The following PPP2R2B variants were observed in gnomAD, a reference collection of about 807,000 sequenced individuals.
PPP2R2B encodes serine/threonine-protein phosphatase 2A 55 kDa regulatory subunit B beta isoform.
Under a neutral mutation model 46.0 loss-of-function variants are expected in PPP2R2B, and 5 were observed. The observed-to-expected ratio is 0.11, with a 90% confidence interval of 0.06 to 0.23. The LOEUF is 0.23. PPP2R2B is among the 10% of genes least tolerant of loss of function. The probability of loss-of-function intolerance (pLI) is 1.00; values close to 1 mark genes in which losing one functional copy is unlikely to be tolerated. For synonymous variants in PPP2R2B, 215 were observed against 206.7 expected, an observed-to-expected ratio of 1.04 and a Z score of -0.34; for missense variants, 367 against 575.0, an observed-to-expected ratio of 0.64 and a Z score of 3.70.
intron 2 of PPP2R2B, among the ~76,000 whole-genome samples, chr5:146,715,089 T>C (rs1039286370): frequency 2.0e-5 from 3 of 152,152 alleles, no homozygotes; most frequent in African/African-American, 7.2e-5. Context: ...CTTAATATCT[T>C]ATAGAAACAA....
chr5:146,914,893 C>G (rs1763323591), intron 1 of PPP2R2B, among the ~76,000 whole-genome samples: 1 of 152,134 alleles, frequency 6.6e-6, no homozygotes, highest in African/African-American at 2.4e-5. Context: ...ATGTATCTCC[C>G]CTACTAGTCC....
chr5:146,916,573 G>A (rs940401395), intron 1 of PPP2R2B, among the ~76,000 whole-genome samples: 5 of 151,946 alleles, frequency 3.3e-5, no homozygotes, highest in Non-Finnish European at 1.5e-5. Context: ...TCCAAGCCAG[G>A]TTTTTTTCTG....
At chr5:146,996,233 G>A (rs577858168) in intron 1 of PPP2R2B, among the ~76,000 whole-genome samples, 43 of 152,242 alleles carry the variant, frequency 2.8e-4, no homozygotes, top group African/African-American at 9.9e-4. Flanking sequence ...GTTGGCAGAC[G>A]GGGAAGCCTT....
intron 1 of PPP2R2B, among the ~76,000 whole-genome samples, chr5:146,895,185 A>G (rs765275809): frequency 5.3e-5 from 8 of 152,192 alleles, no homozygotes; most frequent in Admixed American, 1.3e-4. Flanking sequence ...AAGCCTTTGC[A>G]TCTCCAGAGT....
rs547816381 is a variant in PPP2R2B, at chr5:146,761,520, G to A, written c.71-60378C>T. ...CACACACTGGGGACTGTTGTGGGGTGTGGGAAGTGGGGGGTGCAGCACACC... is the reference window on the plus strand; with the variant it reads ...CACACACTGGGGACTGTTGTGGGGTATGGGAAGTGGGGGGTGCAGCACACC... On this transcript the variant is annotated intron_variant, in intron 2 of 9. Coordinates refer to ENST00000394411, the MANE Select transcript of PPP2R2B (RefSeq NM_181675.4). Among the ~76,000 whole-genome samples, 17 of 152,184 alleles carry A rather than the reference G, an allele frequency of 1.1e-4. No homozygotes were observed. The South Asian group carries it at 3.1e-3, about 28-fold the overall frequency.
intron 1 of PPP2R2B, among the ~76,000 whole-genome samples, chr5:146,895,180 T>G (rs1029650131): frequency 6.6e-6 from 1 of 152,208 alleles, no homozygotes; most frequent in African/African-American, 2.4e-5. Context: ...CTGAAAAGCC[T>G]TTGCATCTCC....
chr5:147,036,991 T>C (rs1038922712), intron 1 of PPP2R2B, among the ~76,000 whole-genome samples: 2 of 152,182 alleles, frequency 1.3e-5, no homozygotes, highest in Non-Finnish European at 2.9e-5. Context: ...GTTAATCCTA[T>C]ACAGTCTTAT....
intron 2 of PPP2R2B, among the ~76,000 whole-genome samples, chr5:146,770,189 C>G (rs1430791628): frequency 6.6e-6 from 1 of 151,666 alleles, no homozygotes; most frequent in Non-Finnish European, 1.5e-5. Flanking sequence ...ATTAGCCAGA[C>G]TTGGTAGTGC....
intron 2 of PPP2R2B, among the ~76,000 whole-genome samples, chr5:147,063,634 G>A (rs904806207): frequency 2.6e-5 from 4 of 152,100 alleles, no homozygotes; most frequent in Non-Finnish European, 5.9e-5. Context: ...AGACATCTCT[G>A]CATTTTAATT....
At chr5:146,953,128 A>C (rs1751701365) in intron 1 of PPP2R2B, among the ~76,000 whole-genome samples, 1 of 152,202 alleles carries the variant, frequency 6.6e-6, no homozygotes, top group South Asian at 2.1e-4. Context: ...ACTGAGTTAT[A>C]AACTAGAAAG....
chr5:146,797,324 A>AC (rs1756601101), intron 2 of PPP2R2B, among the ~76,000 whole-genome samples: 1 of 152,124 alleles, frequency 6.6e-6, no homozygotes, highest in South Asian at 2.1e-4. Context: ...TCCACAAGCT[A>AC]CCCTGCTAAA....
intron 7 of PPP2R2B, among the ~76,000 whole-genome samples, chr5:146,614,326 C>G (rs1268451976): frequency 2.0e-5 from 1 of 49,872 alleles, no homozygotes. Context: ...GGATCCCTTC[C>G]TTACACCTTA....
At chr5:146,995,820 C>A (rs531306615) in intron 1 of PPP2R2B, among the ~76,000 whole-genome samples, 1 of 152,288 alleles carries the variant, frequency 6.6e-6, no homozygotes, top group East Asian at 1.9e-4. Flanking sequence ...CACAGGAGAG[C>A]AAGATTTCCC....
chr5:147,061,051 A>G (rs1757242360), intron 2 of PPP2R2B, among the ~76,000 whole-genome samples: 1 of 152,298 alleles, frequency 6.6e-6, no homozygotes, highest in East Asian at 1.9e-4. Context: ...AAGAAAGAGG[A>G]TCCTCTTTGT....
At position 146,670,606 on chromosome 5, in the gene PPP2R2B, T is replaced by C. The variant is rs557924790; in HGVS notation, c.448-19882A>G. On this transcript the variant is annotated intron_variant, in intron 5 of 9. Transcript: ENST00000394411. ...CGCCTCCCGAGTTCAAACAATTCTC[T>C]TGTTTTAGCCTTCTGAGTAGCTGGG... 6.4e-4 allele frequency among the ~76,000 whole-genome samples: 98 copies of C among 152,068 alleles called. 1 individual carries two copies. Among genetic ancestry groups the C allele is most frequent in the African/African-American group, 2.2e-3 (92 of 41,486 alleles).
In PPP2R2B at chr5:147,016,948, C is replaced by G. The variant is rs150973674; in HGVS notation, c.79+38717G>C. The stretch of plus-strand genomic sequence containing the variant: ...TACAGAATATCCTACATGTCATGCT[C>G]TAGAGCTCCATTTTGCAGGTAAAGG... On this transcript the variant is annotated intron_variant, in intron 1 of 8. Transcript: ENST00000336640. 9.9e-4 allele frequency among the ~76,000 whole-genome samples: 150 copies of G among 151,652 alleles called. 1 individual carries two copies. Among genetic ancestry groups the G allele is most frequent in the African/African-American group, 3.4e-3 (140 of 41,538 alleles).
chr5:146,751,149 C>A (rs184869452), intron 2 of PPP2R2B: 1 of 152,202 alleles, frequency 6.6e-6, no homozygotes. Context: ...GAATCCAAAT[C>A]GTGGCATGAG....
At chr5:146,782,146 G>A (rs1034853130) in intron 2 of PPP2R2B, among the ~76,000 whole-genome samples, 6 of 152,116 alleles carry the variant, frequency 3.9e-5, no homozygotes, top group African/African-American at 1.2e-4. Context: ...CAGGAGCTGA[G>A]GAGATGCTAG....
At chr5:146,953,758 C>T (rs1158502938) in intron 1 of PPP2R2B, among the ~76,000 whole-genome samples, 1 of 152,118 alleles carries the variant, frequency 6.6e-6, no homozygotes, top group Admixed American at 6.6e-5. Flanking sequence ...AGTTATTATT[C>T]CTATTTAACT....
Sources: gnomAD v4.1 joint callset for allele counts (sites outside exome capture counted in the v4.1 genomes callset) on GRCh38, gnomAD v4.1.1 for gene constraint, MANE v1.5 for transcripts, NCBI Gene and HGNC (gene_info 2026-07-23, HGNC 2026-07-21) for gene names.